Variants in GALNT13 observed in about 807,000 individuals in gnomAD.
The protein encoded by GALNT13 is polypeptide N-acetylgalactosaminyltransferase 13.
A neutral mutation model predicts 64.2 loss-of-function variants in GALNT13; 28 were observed. The observed-to-expected ratio is 0.44, with a 90% CI of 0.32 to 0.60. GALNT13 has a LOEUF of 0.60. Ranked by LOEUF, GALNT13 falls within the 20% of genes least tolerant of loss-of-function variation. The pLI is 0.05. For synonymous variants in GALNT13, 214 were observed against 224.6 expected (o/e 0.95, Z 0.42); for missense variants, 577 against 669.8 (o/e 0.86, Z 1.53).
intron 2 of GALNT13, among the ~76,000 whole-genome samples, chr2:153,926,980 G>GT (rs753427139): frequency 1.3e-5 from 2 of 152,060 alleles, no homozygotes; most frequent in Non-Finnish European, 2.9e-5. Context: ...TTAAAAAACA[G>GT]TTGCAATCAT....
chr2:153,521,377 T>C, the GALNT13 span, among the ~76,000 whole-genome samples: 1 of 152,346 alleles, frequency 6.6e-6, no homozygotes, highest in Middle Eastern at 3.4e-3. Flanking sequence ...ATCAAATTTT[T>C]AAAAGACTAT....
intron 3 of GALNT13, among the ~76,000 whole-genome samples, chr2:154,101,798 A>C (rs1702361484): frequency 6.6e-6 from 1 of 152,018 alleles, no homozygotes; most frequent in African/African-American, 2.4e-5. Flanking sequence ...GTAAATTCTT[A>C]GTATTGCTTT....
intron 3 of GALNT13, among the ~76,000 whole-genome samples, chr2:154,111,027 A>G (rs1051831327): frequency 1.3e-5 from 2 of 152,130 alleles, no homozygotes; most frequent in African/African-American, 4.8e-5. Context: ...TGAAATGAAG[A>G]TATTTTCGTA....
the GALNT13 span, among the ~76,000 whole-genome samples, chr2:153,586,691 A>G: frequency 3.3e-5 from 5 of 152,194 alleles, no homozygotes; most frequent in Non-Finnish European, 5.9e-5. Context: ...GGCCTTACAG[A>G]TATTTACAGA....
intron 3 of GALNT13, among the ~76,000 whole-genome samples, chr2:154,049,799 C>T (rs1699485082): frequency 6.6e-6 from 1 of 151,832 alleles, no homozygotes; most frequent in Non-Finnish European, 1.5e-5. Flanking sequence ...TATGTAGTCT[C>T]TAAGAAATCT....
At chr2:153,811,115 CG>C in the GALNT13 span, among the ~76,000 whole-genome samples, 1 of 152,000 alleles carries the variant, frequency 6.6e-6, no homozygotes, top group South Asian at 2.1e-4. Context: ...TTATTATTAT[CG>C]TTATCATTAT....
intron 9 of GALNT13, 120 bp from the exon 10 acceptor site, chr2:154,395,871 C>A (rs1335946442): frequency 5.3e-6 from 4 of 760,438 alleles, no homozygotes; most frequent in Non-Finnish European, 7.9e-6. Context: ...GTAGCAGCTG[C>A]ATATGCAATT....
chr2:154,226,061 G>A (rs1020484342), intron 4 of GALNT13, among the ~76,000 whole-genome samples: 5 of 152,004 alleles, frequency 3.3e-5, no homozygotes, highest in Admixed American at 1.3e-4. Context: ...TTGGGGAAAC[G>A]GGGTTCTGTT....
At chr2:154,230,771 G>A (rs1263078338) in intron 4 of GALNT13, among the ~76,000 whole-genome samples, 1 of 152,072 alleles carries the variant, frequency 6.6e-6, no homozygotes, top group Non-Finnish European at 1.5e-5. Flanking sequence ...ATCTATGGAT[G>A]TTCAGAGAGC....
At chr2:153,519,533 C>T in the GALNT13 span, among the ~76,000 whole-genome samples, 14 of 151,986 alleles carry the variant, frequency 9.2e-5, no homozygotes, top group African/African-American at 1.9e-4. Flanking sequence ...TTTTGTTGCC[C>T]TTTCATGGGC....
chr2:153,647,948 G>A, the GALNT13 span, among the ~76,000 whole-genome samples: 1 of 152,100 alleles, frequency 6.6e-6, no homozygotes, highest in East Asian at 1.9e-4. Context: ...TGGCAATGTG[G>A]GCTCTTTTTT....
chr2:153,083,509 T>A, the GALNT13 span, among the ~76,000 whole-genome samples: 20 of 152,344 alleles, frequency 1.3e-4, no homozygotes, highest in South Asian at 1.2e-3. Flanking sequence ...GAGCATTTTT[T>A]AATATGTTTG....
At chr2:153,117,034 C>G in the GALNT13 span, among the ~76,000 whole-genome samples, 1 of 151,704 alleles carries the variant, frequency 6.6e-6, no homozygotes, top group African/African-American at 2.4e-5. Flanking sequence ...CTCCTGACCT[C>G]GTGATCCACC....
At chr2:153,348,796 T>C in the GALNT13 span, among the ~76,000 whole-genome samples, 2 of 152,140 alleles carry the variant, frequency 1.3e-5, no homozygotes, top group Non-Finnish European at 2.9e-5. Flanking sequence ...TCACTACAGC[T>C]AAAAGCATTG....
the GALNT13 span, among the ~76,000 whole-genome samples, chr2:153,754,215 TA>T: frequency 1.2e-4 from 18 of 152,160 alleles, no homozygotes; most frequent in Non-Finnish European, 2.4e-4. Context: ...GGCTAGTACC[TA>T]AGGTGCAAGA....
At chr2:153,871,367 T>TA (rs1195782112), upstream of GALNT13, among the ~76,000 whole-genome samples, 2 of 152,086 alleles carry the variant, frequency 1.3e-5, no homozygotes, top group East Asian at 3.9e-4. Context: ...AGGGTGTAGA[T>TA]ACTGTAACCA....
the GALNT13 span, among the ~76,000 whole-genome samples, chr2:153,399,811 A>G: frequency 6.6e-6 from 1 of 152,114 alleles, no homozygotes; most frequent in Non-Finnish European, 1.5e-5. Flanking sequence ...TTATCAGCTT[A>G]AGGAGATTTT....
chr2:153,272,821 G>A, the GALNT13 span, among the ~76,000 whole-genome samples: 4 of 152,052 alleles, frequency 2.6e-5, no homozygotes, highest in Admixed American at 6.5e-5. Context: ...GCACAGGTAC[G>A]TATATTGCAG....
At chr2:153,559,968 A>G in the GALNT13 span, among the ~76,000 whole-genome samples, 1 of 152,112 alleles carries the variant, frequency 6.6e-6, no homozygotes, top group East Asian at 1.9e-4. Context: ...TACAGGTTGT[A>G]CTATATCAGA....
Sources: allele counts gnomAD v4.1 joint callset (sites outside exome capture counted in the v4.1 genomes callset), GRCh38; gene constraint gnomAD v4.1.1; transcripts MANE v1.5; gene names NCBI Gene and HGNC (gene_info 2026-07-23, HGNC 2026-07-21).